Variants in DHODH observed in about 807,000 individuals in gnomAD.
The protein encoded by DHODH is dihydroorotate dehydrogenase (quinone), mitochondrial.
DHODH carries 30 observed loss-of-function variants against 39.7 expected under a neutral mutation model. The observed-to-expected ratio is 0.76, with a 90% CI of 0.57 to 1.02. The LOEUF (loss-of-function observed/expected upper bound fraction) is 1.02. Ranked by LOEUF, DHODH falls within the 50% of genes least tolerant of loss-of-function variation. The probability of loss-of-function intolerance (pLI) is 0.00; values close to 1 mark genes in which losing one functional copy is unlikely to be tolerated. For synonymous variants in DHODH, 222 were observed against 213.8 expected (o/e 1.04, Z -0.34); for missense variants, 531 against 520.8 (o/e 1.02, Z -0.19).
At chr16:72,013,701 G>A (rs2041109619) in intron 2 of DHODH, 1 of 152,288 alleles carries the variant, frequency 6.6e-6, no homozygotes, top group African/African-American at 2.4e-5. Context: ...GGCCTTTGTG[G>A]TGCAGCTGGA....
chr16:72,020,346 TATATATATGTGTATATATA>T (rs1567572806), intron 4 of DHODH: 14 of 119,026 alleles, frequency 1.2e-4, no homozygotes, highest in South Asian at 2.4e-4. Flanking sequence ...TATATATATA[TATATATATGTGTATATATA>T]TATATATTTT....
chr16:72,010,341 C>T (rs1378176512), intron 1 of DHODH, among the ~76,000 whole-genome samples: 1 of 152,130 alleles, frequency 6.6e-6, no homozygotes, highest in Admixed American at 6.5e-5. Flanking sequence ...TTCAGAGAGA[C>T]CCCCATCAAC....
rs201947120 is a variant in DHODH at position 72,023,536 on chromosome 16, C to T, written c.1036C>T (p.Arg346Trp). 107 of 1,613,964 alleles carry T rather than the reference C, an allele frequency of 6.6e-5. No individual in the cohort carries two copies. Among genetic ancestry groups the T allele is most frequent in the Admixed American group, 1.8e-4 (11 of 60,004 alleles). ...SSGQDALEKIRAGASLVQLYT... is the reference protein window; with the variant it reads ...SSGQDALEKIWAGASLVQLYT... Reference sequence around the variant, plus strand: ...CGGGCAGGACGCGCTGGAGAAGATCCGGGCAGGGGCCTCCCTGGTGCAGCT... The same window carrying T: ...CGGGCAGGACGCGCTGGAGAAGATCTGGGCAGGGGCCTCCCTGGTGCAGCT... Residue 346 changes from arginine (R) to tryptophan (W), a missense_variant, in exon 8 of 9, where the codon CGG (arginine) becomes TGG (tryptophan). Transcript: ENST00000219240.
In DHODH at chr16:72,024,172, T is replaced by C; in HGVS notation, c.1161T>C (p.Asp387=). 2 of 1,614,180 alleles carry C rather than the reference T, an allele frequency of 1.2e-6. No individual in the cohort carries two copies. Among genetic ancestry groups the C allele is most frequent in the South Asian group, 2.2e-5 (2 of 91,088 alleles). ...AGCAGGGCTTTGGCGGAGTCACAGATGCCATTGGAGCAGATCATCGGAGGT... is the reference window on the plus strand; with the variant it reads ...AGCAGGGCTTTGGCGGAGTCACAGACGCCATTGGAGCAGATCATCGGAGGT... The part of the protein sequence containing the change: ...LKEQGFGGVT[D]AIGADHRR The change falls in exon 9 of 9, where the codon GAT becomes GAC. Residue 387 remains aspartate, a synonymous_variant. Transcript: ENST00000219240.
chr16:72,013,518 C>T (rs1240539711), intron 2 of DHODH: 1 of 152,212 alleles, frequency 6.6e-6, no homozygotes, highest in Non-Finnish European at 1.5e-5. Flanking sequence ...GACTTTTTAA[C>T]CGGTAACCAG....
intron 1 of DHODH, among the ~76,000 whole-genome samples, chr16:72,011,805 G>T (rs1002014038): frequency 6.6e-6 from 1 of 152,144 alleles, no homozygotes; most frequent in African/African-American, 2.4e-5. Flanking sequence ...CACCCTAGGG[G>T]ACAGTACTGT....
At position 72,023,567 on chromosome 16, in the gene DHODH, C is replaced by A; in HGVS notation, c.1067C>A (p.Thr356Lys). ...RAGASLVQLY[T>K]ALTFWGPPVV... ...GGGGCCTCCCTGGTGCAGCTGTACA[C>A]GGCCCTCACCTTCTGGGGGCCACCC... Residue 356 changes from threonine to lysine, a missense_variant, in exon 8 of 9, where the codon ACG (threonine) becomes AAG (lysine). Thr to Lys is a moderately conservative substitution (Grantham distance 78). Coordinates refer to ENST00000219240, the MANE Select transcript of DHODH (RefSeq NM_001361.5). The A allele has an allele frequency of 6.2e-7, 1 of 1,614,114 alleles. No individual in the cohort carries two copies. The highest frequency in any genetic ancestry group is 8.5e-7 in the Non-Finnish European group (1 of 1,180,028).
chr16:72,008,900 C>G, intron 1 of DHODH, 115 bp downstream of exon 1: 1 of 1,540,698 alleles, frequency 6.5e-7, no homozygotes. Context: ...TGTGGGCCCC[C>G]CTGGGACGTG....
chr16:72,024,043 C>T (rs546031765), intron 8 of DHODH, 102 bp from the exon 9 acceptor site: 2 of 1,226,794 alleles, frequency 1.6e-6, no homozygotes, highest in Non-Finnish European at 2.4e-6. Flanking sequence ...CCAGATGTGC[C>T]TGGGCCGGGA....
chr16:72,025,777 GCCTGAAGACAGAGCTGC>G lies in DHODH; in HGVS notation c.*1586_*1602del, dbSNP rs1315706809. On this transcript the variant is annotated 3_prime_UTR_variant, in exon 9 of 9. Coordinates refer to ENST00000219240, the MANE Select transcript of DHODH (RefSeq NM_001361.5). ...TGCCTGTTCAAAGCTACCCTGTGAG[GCCTGAAGACAGAGCTGC>G]CCTGAAGGCAGCTCATGTCCACTGA... 2.6e-5 allele frequency: 4 copies of G among 152,328 alleles called. No homozygotes were observed. Among genetic ancestry groups the G allele is most frequent in the African/African-American group, 9.6e-5 (4 of 41,460 alleles). The allele number at this position is 152,328 out of a possible 1,614,324, so 9.4% of individuals were successfully genotyped here.
At chr16:72,017,219 TGA>T in intron 4 of DHODH, 113 bp downstream of exon 4, 1 of 1,110,538 alleles carries the variant, frequency 9.0e-7, no homozygotes, top group East Asian at 2.6e-5. Flanking sequence ...CAAAAACCAC[TGA>T]GGACCTCAGG....
Position 72,017,051 on chromosome 16 carries a change from A to G in DHODH, c.462A>G (p.Ser154=). The G allele has an allele frequency of 2.5e-6, 4 of 1,613,994 alleles. No homozygotes were observed. The highest frequency in any genetic ancestry group is 2.2e-5 in the South Asian group (2 of 91,078). Residue 154 remains serine (S), a synonymous_variant, in exon 4 of 9, where the codon TCA becomes TCG. Coordinates refer to ENST00000219240, the MANE Select transcript of DHODH (RefSeq NM_001361.5). The part of the protein sequence containing the change: ...NRYGFNSHGL[S]VVEHRLRARQ... Reference sequence around the variant, plus strand: ...ATGGATTTAACAGTCACGGGCTTTCAGTGGTGGAACACAGGTTACGGGCCA... The same window carrying G: ...ATGGATTTAACAGTCACGGGCTTTCGGTGGTGGAACACAGGTTACGGGCCA...
chr16:72,020,262 A>C (rs555563729), intron 4 of DHODH: 41 of 147,950 alleles, frequency 2.8e-4, no homozygotes, highest in African/African-American at 1.0e-3. Flanking sequence ...GGCAACAGTG[A>C]GACTCCATCT....
Position 72,024,148 on chromosome 16 carries a change from G to C in DHODH, c.1137G>C (p.Glu379Asp). 6.2e-7 allele frequency: 1 copy of C among 1,614,234 alleles called. No homozygotes were observed. Among genetic ancestry groups the C allele is most frequent in the South Asian group, 1.1e-5 (1 of 91,086 alleles). ...VKRELEALLK[E>D]QGFGGVTDAI... is the part of the protein sequence containing the mutation. ...GCTTTGTTTGCTCTTTTTCCAGAGAGCAGGGCTTTGGCGGAGTCACAGATG... is the reference window on the plus strand; with the variant it reads ...GCTTTGTTTGCTCTTTTTCCAGAGACCAGGGCTTTGGCGGAGTCACAGATG... Residue 379 changes from glutamate to aspartate, a missense_variant, in exon 9 of 9, where the codon GAG becomes GAC. Transcript: ENST00000219240.
chr16:72,015,630 G>T, intron 3 of DHODH: 1 of 948,332 alleles, frequency 1.1e-6, no homozygotes. Context: ...GCTTGTTTCA[G>T]GGAAATTCTC....
At chr16:72,011,973 G>T in intron 1 of DHODH, 77 bp from the exon 2 acceptor site, 1 of 1,194,660 alleles carries the variant, frequency 8.4e-7, no homozygotes, top group Middle Eastern at 2.1e-4. Flanking sequence ...TGCCCTCTGT[G>T]TACCTGGGTG....
chr16:72,014,647 CCT>C lies in DHODH; in HGVS notation c.410_411del (p.Pro137ArgfsTer7). ...CCCTAGACCCAGAGTCTTCCGCCTC[CCT>C]GAGGACCAAGCTGTCATTAACAGGT... ...GNPRPRVFRL[P>X]EDQAVINRYG... On this transcript the variant is annotated frameshift_variant, in exon 3 of 9. Coordinates refer to ENST00000219240, the MANE Select transcript of DHODH (RefSeq NM_001361.5). LOFTEE classifies it high-confidence loss of function. 2.5e-6 allele frequency: 4 copies of C among 1,614,118 alleles called. No homozygotes were observed. The highest frequency in any genetic ancestry group is 3.4e-6 in the Non-Finnish European group (4 of 1,180,028).
At chr16:72,020,124 A>G (rs1021240576) in intron 4 of DHODH, among the ~76,000 whole-genome samples, 12 of 151,890 alleles carry the variant, frequency 7.9e-5, no homozygotes, top group Non-Finnish European at 1.8e-4. Flanking sequence ...AAAAATACAA[A>G]AATTAGCTGG....
rs1251316694 is a variant in DHODH, at chr16:72,025,679, A to C, written c.*1480A>C. On this transcript the variant is annotated 3_prime_UTR_variant, in exon 9 of 9. Transcript: ENST00000219240. ...TGATAGATAGAGCCAAGTTGCTCCT[A>C]TCAGGTTTTCAAGCTGCCCATTTCC... 6.6e-6 allele frequency: 1 copy of C among 152,348 alleles called. No individual in the cohort carries two copies. The highest frequency in any genetic ancestry group is 1.5e-5 in the Non-Finnish European group (1 of 68,172). The allele number at this position is 152,348 out of a possible 1,614,324, so 9.4% of individuals were successfully genotyped here. A position where few individuals can be genotyped will look rare whatever the true frequency, so the allele number is the denominator to read the frequency against.
Sources: gnomAD v4.1 joint callset for allele counts (sites outside exome capture counted in the v4.1 genomes callset) on GRCh38, gnomAD v4.1.1 for gene constraint, MANE v1.5 for transcripts, NCBI Gene and HGNC (gene_info 2026-07-23, HGNC 2026-07-21) for gene names.